The following SH3RF1 variants were observed in gnomAD, a reference collection of about 807,000 sequenced individuals.
The protein encoded by SH3RF1 is SH3 domain containing ring finger 1.
SH3RF1 carries 32 observed loss-of-function variants against 74.0 expected under a neutral mutation model. The observed-to-expected ratio is 0.43, with a 90% CI of 0.33 to 0.58. SH3RF1 has a LOEUF of 0.58. Among genes scored for constraint, SH3RF1 ranks in the 20% least tolerant of loss-of-function variants. The probability of loss-of-function intolerance (pLI) is 0.05; values close to 1 mark genes in which losing one functional copy is unlikely to be tolerated. For missense variants in SH3RF1, 954 were observed against 1,130.9 expected, an observed-to-expected ratio of 0.84 and a Z score of 2.24; for synonymous variants, 396 against 439.6, an observed-to-expected ratio of 0.90 and a Z score of 1.24.
intron 2 of SH3RF1, among the ~76,000 whole-genome samples, chr4:169,241,572 A>ACTCCACAG (rs1554010524): frequency 0.014 from 2,168 of 151,714 alleles, 43 homozygotes; most frequent in African/African-American, 0.049. Context: ...GCACTCCTGA[A>ACTCCACAG]CTCCACCAGA....
intron 4 of SH3RF1, among the ~76,000 whole-genome samples, chr4:169,147,418 C>T (rs1733911804): frequency 6.6e-6 from 1 of 152,142 alleles, no homozygotes; most frequent in African/African-American, 2.4e-5. Context: ...GCTAATAAAT[C>T]AGTGAACAAG....
At chr4:169,262,888 T>C (rs1260957535) in intron 2 of SH3RF1, among the ~76,000 whole-genome samples, 2 of 152,024 alleles carry the variant, frequency 1.3e-5, no homozygotes, top group Non-Finnish European at 2.9e-5. Context: ...AGCTCAGGAA[T>C]GAAGTAAAGG....
At chr4:169,150,351 C>T (rs996186014) in intron 4 of SH3RF1, among the ~76,000 whole-genome samples, 2 of 152,064 alleles carry the variant, frequency 1.3e-5, no homozygotes, top group African/African-American at 4.8e-5. Flanking sequence ...TTCTTCTTAA[C>T]ATTTTATTTT....
At chr4:169,231,059 C>T (rs80291262) in intron 2 of SH3RF1, among the ~76,000 whole-genome samples, 2 of 152,252 alleles carry the variant, frequency 1.3e-5, no homozygotes, top group African/African-American at 4.8e-5. Flanking sequence ...CTTACCTTCC[C>T]AGAGCCCAAG....
chr4:169,150,170 C>A (rs916252346), intron 4 of SH3RF1, among the ~76,000 whole-genome samples: 1 of 152,294 alleles, frequency 6.6e-6, no homozygotes, highest in African/African-American at 2.4e-5. Flanking sequence ...CTAATTACTC[C>A]AAATTGTACA....
rs1385241824 is a variant in SH3RF1, at chr4:169,268,952, C to T, written c.261G>A (p.Gly87=). Residue 87 remains glycine (G), a synonymous_variant, in exon 2 of 12, where the codon GGG becomes GGA. Coordinates refer to ENST00000284637, the MANE Select transcript of SH3RF1 (RefSeq NM_020870.4). ...CATTTGTGCAGTTGGTCCCACTTCC[C>T]CCACCAGGACCAGGTTTCCAAGGCC... is the stretch of plus-strand genomic sequence containing the variant. ...KQRPWKPGPG[G]GSGTNCTNAL... is the part of the protein sequence containing the mutation. The T allele has an allele frequency of 3.1e-6, 5 of 1,614,174 alleles. No individual in the cohort carries two copies. The highest frequency in any genetic ancestry group is 8.5e-7 in the Non-Finnish European group (1 of 1,180,034).
intron 2 of SH3RF1, among the ~76,000 whole-genome samples, chr4:169,201,641 T>G (rs1185941043): frequency 1.3e-5 from 2 of 152,210 alleles, no homozygotes; most frequent in Non-Finnish European, 2.9e-5. Flanking sequence ...GCAGCTTATT[T>G]CCCAGTCAAA....
At chr4:169,214,382 A>G (rs1008305224) in intron 2 of SH3RF1, among the ~76,000 whole-genome samples, 16 of 152,328 alleles carry the variant, frequency 1.1e-4, no homozygotes, top group African/African-American at 3.8e-4. Context: ...CTGTGAGCCA[A>G]TTAAACCTTT....
chr4:169,106,067 A>G (rs1238873048), intron 11 of SH3RF1, among the ~76,000 whole-genome samples: 1 of 151,628 alleles, frequency 6.6e-6, no homozygotes, highest in Non-Finnish European at 1.5e-5. Context: ...GTAATGTAAA[A>G]TATTTTTTAA....
intron 2 of SH3RF1, among the ~76,000 whole-genome samples, chr4:169,211,567 T>A (rs2126996279): frequency 6.6e-6 from 1 of 151,736 alleles, no homozygotes; most frequent in East Asian, 1.9e-4. Context: ...AATAAGCAGG[T>A]TATCGCAATA....
chr4:169,260,624 C>T (rs1190880555), intron 2 of SH3RF1, among the ~76,000 whole-genome samples: 2 of 152,176 alleles, frequency 1.3e-5, no homozygotes, highest in Non-Finnish European at 2.9e-5. Flanking sequence ...CCCTTTCCCT[C>T]GGATTTTCCT....
chr4:169,207,597 C>T (rs1730282203), intron 2 of SH3RF1, among the ~76,000 whole-genome samples: 1 of 152,204 alleles, frequency 6.6e-6, no homozygotes, highest in African/African-American at 2.4e-5. Flanking sequence ...GACTAGAATT[C>T]TGTCCATAGT....
At chr4:169,220,764 G>T (rs1304400893) in intron 2 of SH3RF1, among the ~76,000 whole-genome samples, 2 of 152,156 alleles carry the variant, frequency 1.3e-5, no homozygotes. Flanking sequence ...CTATTCACTG[G>T]TGTGTAATGT....
At chr4:169,183,902 G>C (rs897307835) in intron 2 of SH3RF1, among the ~76,000 whole-genome samples, 1 of 152,186 alleles carries the variant, frequency 6.6e-6, no homozygotes, top group Non-Finnish European at 1.5e-5. Flanking sequence ...ATAAAATCAT[G>C]AAGTTTATGA....
At chr4:169,239,787 G>A (rs1388073339) in intron 2 of SH3RF1, among the ~76,000 whole-genome samples, 3 of 152,192 alleles carry the variant, frequency 2.0e-5, no homozygotes, top group African/African-American at 4.8e-5. Flanking sequence ...TTGGGAGGCT[G>A]AGGCTGGTGG....
At chr4:169,235,611 G>C (rs536908014) in intron 2 of SH3RF1, among the ~76,000 whole-genome samples, 5 of 152,062 alleles carry the variant, frequency 3.3e-5, no homozygotes, top group Non-Finnish European at 7.3e-5. Context: ...ATGCTACATT[G>C]CTTCTCATAT....
intron 2 of SH3RF1, among the ~76,000 whole-genome samples, chr4:169,264,647 G>A (rs1000861193): frequency 6.6e-5 from 10 of 152,140 alleles, no homozygotes; most frequent in Admixed American, 3.3e-4. Flanking sequence ...CTCCAATCCC[G>A]TATCTGTTCT....
chr4:169,147,479 AGGG>A (rs749831467), intron 4 of SH3RF1, among the ~76,000 whole-genome samples: 3 of 152,146 alleles, frequency 2.0e-5, no homozygotes, highest in South Asian at 2.1e-4. Context: ...GCATGGGGGC[AGGG>A]TGGGGGAATG....
At chr4:169,179,765 A>G (rs576489340) in intron 2 of SH3RF1, among the ~76,000 whole-genome samples, 43 of 152,358 alleles carry the variant, frequency 2.8e-4, no homozygotes, top group African/African-American at 1.0e-3. Context: ...TTTGCTTCCA[A>G]GTGAAACAAA....
Sources: allele counts gnomAD v4.1 joint callset (sites outside exome capture counted in the v4.1 genomes callset), GRCh38; gene constraint gnomAD v4.1.1; transcripts MANE v1.5; gene names NCBI Gene and HGNC (gene_info 2026-07-23, HGNC 2026-07-21).